MTERF4: variants seen among roughly 807,000 people sequenced by gnomAD.
MTERF4 encodes mitochondrial transcription termination factor 4.
In MTERF4, 17 loss-of-function variants were observed where a neutral mutation model predicts 22.5. The observed-to-expected ratio is 0.75, with a 90% confidence interval of 0.52 to 1.13. MTERF4 has a LOEUF of 1.13. MTERF4 is among the 50% of genes most tolerant of loss of function. The pLI is 0.00. For synonymous variants in MTERF4, 165 were observed against 175.3 expected (o/e 0.94, Z 0.47); for missense variants, 420 against 466.8 (o/e 0.90, Z 0.92).
At chr2:241,071,361 G>T, downstream of MTERF4, 1 of 605,798 alleles carries the variant, frequency 1.7e-6, no homozygotes, top group Non-Finnish European at 2.9e-6. Context: ...GCTGCGCATG[G>T]CTCCTCCTCA....
chr2:241,074,154 G>A (rs1238745291), exon 5 of MTERF4: 1 of 152,294 alleles, frequency 6.6e-6, no homozygotes, highest in Non-Finnish European at 1.5e-5. Flanking sequence ...ACTTGGTAAA[G>A]GTGTGAGCTG....
At chr2:241,051,896 G>A in the MTERF4 span, 23 of 1,509,474 alleles carry the variant, frequency 1.5e-5, no homozygotes, top group Admixed American at 1.4e-4. This position sits in a 1 kb window ranked among gnomAD's most constrained non-coding sequence, Gnocchi z 4.7. Context: ...GGGCAGGAAC[G>A]ACGGGCCAGC....
At chr2:241,084,236 A>G (rs2063473049), downstream of MTERF4, among the ~76,000 whole-genome samples, 1 of 150,082 alleles carries the variant, frequency 6.7e-6, no homozygotes, top group South Asian at 2.1e-4. Flanking sequence ...TCCTGGGTTC[A>G]AGCAATTCTC....
the MTERF4 span, chr2:241,051,583 T>C: frequency 1.8e-5 from 9 of 495,554 alleles, no homozygotes; most frequent in Non-Finnish European, 2.8e-5. The surrounding 1 kb of genome is among the most constrained non-coding windows in gnomAD (Gnocchi z 4.7). Context: ...GCCCCCACCA[T>C]GTGTGCGGAC....
the MTERF4 span, chr2:241,051,681 A>G: frequency 7.9e-7 from 1 of 1,266,134 alleles, no homozygotes; most frequent in East Asian, 2.6e-5. The surrounding 1 kb of genome is among the most constrained non-coding windows in gnomAD (Gnocchi z 4.7). Flanking sequence ...CCAGGAGGGT[A>G]TAGTGGCTCT....
chr2:241,042,907 C>T, the MTERF4 span, among the ~76,000 whole-genome samples: 4 of 152,168 alleles, frequency 2.6e-5, no homozygotes, highest in Non-Finnish European at 5.9e-5. Context: ...CTGGAGTCTG[C>T]GAAGGAGGAT....
the MTERF4 span, among the ~76,000 whole-genome samples, chr2:241,055,128 AG>A: frequency 6.6e-6 from 1 of 150,612 alleles, no homozygotes; most frequent in Admixed American, 6.6e-5. Flanking sequence ...AAAAAAAAAA[AG>A]AAAAAATATT....
chr2:241,077,527 A>G (rs1424348476), intron 4 of MTERF4, among the ~76,000 whole-genome samples: 1 of 152,126 alleles, frequency 6.6e-6, no homozygotes, highest in Non-Finnish European at 1.5e-5. Flanking sequence ...CTGATCAGAG[A>G]CCCGCGTCTA....
intron 4 of MTERF4, among the ~76,000 whole-genome samples, chr2:241,076,980 G>A (rs1411330987): frequency 1.3e-5 from 2 of 152,106 alleles, no homozygotes; most frequent in African/African-American, 4.8e-5. Flanking sequence ...TCCGGAGGCT[G>A]AGGCAGGAGA....
At chr2:241,051,481 C>T in the MTERF4 span, 1 of 378,658 alleles carries the variant, frequency 2.6e-6, no homozygotes. The surrounding 1 kb of genome is among the most constrained non-coding windows in gnomAD (Gnocchi z 4.7). Flanking sequence ...AAGGGCCCAG[C>T]CATTGCCAGA....
chr2:241,056,829 C>T, the MTERF4 span, among the ~76,000 whole-genome samples: 4 of 151,956 alleles, frequency 2.6e-5, no homozygotes. Context: ...GATCCACCCG[C>T]CTCAGCCTCC....
the MTERF4 span, chr2:241,064,936 A>G: frequency 1.3e-6 from 2 of 1,584,342 alleles, no homozygotes; most frequent in Admixed American, 1.9e-5. This position sits in a 1 kb window ranked among gnomAD's most constrained non-coding sequence, Gnocchi z 7.0. Flanking sequence ...AGTGGGCTAC[A>G]CGGGCGAGGA....
downstream of MTERF4, among the ~76,000 whole-genome samples, chr2:241,091,420 G>C (rs966479256): frequency 6.6e-6 from 1 of 151,972 alleles, no homozygotes; most frequent in Non-Finnish European, 1.5e-5. The surrounding 1 kb of genome is among the most constrained non-coding windows in gnomAD (Gnocchi z 4.1). Flanking sequence ...GCCCCTCCCC[G>C]TGTGCACTGC....
At chr2:241,072,203 G>A (rs1471927527) in exon 5 of MTERF4, 2 of 571,088 alleles carry the variant, frequency 3.5e-6, no homozygotes, top group Non-Finnish European at 6.6e-6. Flanking sequence ...CCAAAGTAGG[G>A]CTCTGAGCTT....
chr2:241,077,023 G>A (rs2063057188), intron 4 of MTERF4, among the ~76,000 whole-genome samples: 1 of 151,524 alleles, frequency 6.6e-6, no homozygotes, highest in African/African-American at 2.4e-5. Context: ...AGCTTGCAGT[G>A]AGCTGAGATT....
rs771184965 is a variant in MTERF4 at position 241,096,745 on chromosome 2, G to C, written c.706-307C>G. ...ATGGGGAAGGAAAAGGATGAATATG[G>C]AAAGAATAGGCAAAACATTCAGAAA... On this transcript the variant is annotated intron_variant, in intron 3 of 3. Transcript: ENST00000391980. This position sits in a 1 kb window ranked among gnomAD's most constrained non-coding sequence, Gnocchi z 5.1. The C allele has an allele frequency of 1.3e-4, 78 of 584,720 alleles. No homozygotes were observed. The Admixed American group carries it at 1.9e-3, about 14-fold the overall frequency. The allele number at this position is 584,720 out of a possible 1,614,324, so 36.2% of individuals were successfully genotyped here. A position where few individuals can be genotyped will look rare whatever the true frequency, so the allele number is the denominator to read the frequency against.
downstream of MTERF4, chr2:241,088,022 A>T: frequency 2.5e-6 from 1 of 399,076 alleles, no homozygotes. Context: ...GCAAGGCCGC[A>T]GCCTGCAGCT....
chr2:241,067,814 A>C, downstream of MTERF4: 1 of 1,613,260 alleles, frequency 6.2e-7, no homozygotes, highest in Non-Finnish European at 8.5e-7. Context: ...GGCTAGCACC[A>C]TCTCAGTGCA....
chr2:241,067,947 G>C, downstream of MTERF4: 3 of 1,604,932 alleles, frequency 1.9e-6, no homozygotes, highest in Non-Finnish European at 2.6e-6. Flanking sequence ...TTCACCTTTA[G>C]GTAAGAAGGG....
Sources: allele counts gnomAD v4.1 joint callset (sites outside exome capture counted in the v4.1 genomes callset), GRCh38; gene constraint gnomAD v4.1.1; non-coding constraint Gnocchi (gnomAD v3.1); transcripts MANE v1.5; gene names NCBI Gene and HGNC (gene_info 2026-07-23, HGNC 2026-07-21).